The following DENND2C variants were observed in gnomAD, a reference collection of about 807,000 sequenced individuals.
The protein encoded by DENND2C is DENN domain-containing protein 2C.
DENND2C carries 72 observed loss-of-function variants against 112.4 expected under a neutral mutation model. The ratio of observed to expected loss-of-function variants is 0.64; its 90% CI spans 0.53 to 0.78. The LOEUF (loss-of-function observed/expected upper bound fraction) is 0.78, where lower values mean the gene tolerates loss of function less well. Ranked by LOEUF, DENND2C falls within the 30% of genes least tolerant of loss-of-function variation. DENND2C has a pLI of 0.00. For synonymous variants in DENND2C, 329 were observed against 381.6 expected (o/e 0.86, Z 1.61); for missense variants, 992 against 1,113.8 (o/e 0.89, Z 1.56).
In DENND2C at chr1:114,611,778, A is replaced by AACACACACACACACACAC. The variant is rs6143386; in HGVS notation, c.1325-679_1325-662dup. On this transcript the variant is annotated intron_variant, in intron 8 of 20. Transcript: ENST00000393274. ...TTTGTATAATTCTGAGAGCACAGGC[A>AACACACACACACACACAC]ACACACACACACACACACACACACA... 2.0e-5 allele frequency among the ~76,000 whole-genome samples: 3 copies of AACACACACACACACACAC among 148,278 alleles called. 1 individual carries two copies. Among genetic ancestry groups the AACACACACACACACACAC allele is most frequent in the South Asian group, 4.3e-4 (2 of 4,674 alleles).
rs757769172 is a variant in DENND2C, at chr1:114,622,984, T to C, written c.1056+3A>G. ...TTTTCTTCAATTCATTATCTGGTTA[T>C]ACCTTGGGTGCTTTAAAAGCACTTT... On this transcript the variant is annotated splice_donor_region_variant and intron_variant, in intron 6 of 20. Coordinates refer to ENST00000393274, the MANE Select transcript of DENND2C (RefSeq NM_001256404.2). The C allele has an allele frequency of 6.2e-7, 1 of 1,604,712 alleles. No homozygotes were observed.
intron 9 of DENND2C, 27 bp from the exon 10 acceptor site, chr1:114,608,900 T>G (rs1655734501): frequency 6.2e-7 from 1 of 1,612,952 alleles, no homozygotes; most frequent in South Asian, 1.1e-5. Flanking sequence ...GAGAAATGTT[T>G]TTTTCTCTGT....
rs375060672 is a variant in DENND2C, at chr1:114,665,252, G to C, written c.-574+4731C>G. Among the ~76,000 whole-genome samples, 602 of 139,130 alleles carry C rather than the reference G, an allele frequency of 4.3e-3. 3 individuals are homozygous for C. The highest frequency in any genetic ancestry group is 0.016 in the African/African-American group (577 of 36,418). 91.3% of individuals were successfully genotyped at this position (139,130 alleles called of 152,430 possible). On this transcript the variant is annotated intron_variant, in intron 1 of 20. Transcript: ENST00000393274. ...TCACTGTATTCCAGCCAGGGTAGCAGAGCAAGACCCTGTCTCTTGAAAAAA... is the reference window on the plus strand; with the variant it reads ...TCACTGTATTCCAGCCAGGGTAGCACAGCAAGACCCTGTCTCTTGAAAAAA...
At chr1:114,643,186 C>T (rs1656893043) in intron 3 of DENND2C, among the ~76,000 whole-genome samples, 1 of 152,066 alleles carries the variant, frequency 6.6e-6, no homozygotes, top group Non-Finnish European at 1.5e-5. Context: ...TAAAGTAAAC[C>T]TCAATCTCAG....
intron 11 of DENND2C, among the ~76,000 whole-genome samples, chr1:114,603,226 C>T (rs1191328144): frequency 6.6e-6 from 1 of 151,710 alleles, no homozygotes; most frequent in Non-Finnish European, 1.5e-5. Context: ...CTGCAACCTC[C>T]GCCTCCTGGG....
At chr1:114,614,401 C>T (rs1655900815) in intron 8 of DENND2C, among the ~76,000 whole-genome samples, 1 of 152,030 alleles carries the variant, frequency 6.6e-6, no homozygotes, top group African/African-American at 2.4e-5. Context: ...ATGACAAAGC[C>T]AGGAGATCGT....
intron 3 of DENND2C, among the ~76,000 whole-genome samples, chr1:114,634,838 G>A (rs765624143): frequency 2.0e-5 from 3 of 151,816 alleles, no homozygotes; most frequent in Non-Finnish European, 4.4e-5. Flanking sequence ...CACCAGCCTG[G>A]CAAACATGGC....
At chr1:114,641,640 AG>A (rs770175463) in intron 3 of DENND2C, among the ~76,000 whole-genome samples, 3 of 152,124 alleles carry the variant, frequency 2.0e-5, no homozygotes, top group Non-Finnish European at 4.4e-5. Flanking sequence ...AACCTTCCTG[AG>A]GCCTCACCAG....
chr1:114,637,795 G>A (rs1570796454), intron 3 of DENND2C, among the ~76,000 whole-genome samples: 1 of 152,242 alleles, frequency 6.6e-6, no homozygotes, highest in East Asian at 1.9e-4. Context: ...GATTACAGGC[G>A]TGAACCACTG....
chr1:114,661,756 T>C (rs952916465), intron 1 of DENND2C, among the ~76,000 whole-genome samples: 3 of 152,252 alleles, frequency 2.0e-5, no homozygotes, highest in South Asian at 2.1e-4. Context: ...CATACCTCTG[T>C]ATTTTTTACT....
intron 3 of DENND2C, among the ~76,000 whole-genome samples, chr1:114,633,170 G>A (rs373516808): frequency 2.6e-5 from 4 of 151,986 alleles, no homozygotes; most frequent in Non-Finnish European, 5.9e-5. Context: ...ACTTTATGCC[G>A]GCGCGGTGGC....
intron 16 of DENND2C, among the ~76,000 whole-genome samples, chr1:114,598,214 ACAACT>A (rs778497155): frequency 7.3e-4 from 111 of 152,324 alleles, no homozygotes; most frequent in Middle Eastern, 6.8e-3. Flanking sequence ...CAAACTGGAA[ACAACT>A]CAAATGTTCA....
intron 7 of DENND2C, among the ~76,000 whole-genome samples, chr1:114,619,167 G>T (rs1209612622): frequency 1.3e-5 from 2 of 152,050 alleles, no homozygotes; most frequent in African/African-American, 4.8e-5. Context: ...CTTTGCTACT[G>T]GGAGAGATGT....
chr1:114,623,385 A>G (rs1362241867), intron 5 of DENND2C, 122 bp downstream of exon 5: 1 of 967,982 alleles, frequency 1.0e-6, no homozygotes, highest in Non-Finnish European at 1.5e-6. Context: ...AAACGTTTCC[A>G]TGCTAAAGAG....
At chr1:114,605,070 ATGTAAG>A in intron 10 of DENND2C, 39 bp from the exon 11 acceptor site, 1 of 1,436,304 alleles carries the variant, frequency 7.0e-7, no homozygotes, top group Non-Finnish European at 9.6e-7. Flanking sequence ...AAATTATACT[ATGTAAG>A]TGGGGAATAG....
Position 114,625,888 on chromosome 1 carries a change from T to C in DENND2C, c.97A>G (p.Asn33Asp). 6.2e-7 allele frequency: 1 copy of C among 1,614,158 alleles called. No individual in the cohort carries two copies. The change falls in exon 4 of 21, where the codon AAT becomes GAT. Residue 33 changes from asparagine to aspartate, a missense_variant. By Grantham distance (23) the Asn-to-Asp change is conservative. Around this residue, in one of 3 missense-constraint regions of DENND2C, gnomAD observed 470 missense variants for 472.7 expected, o/e 0.99. Transcript: ENST00000393274. The stretch of plus-strand genomic sequence containing the variant: ...CACTTTTCTGGATTAGATATACCAT[T>C]AGCCCTTCCTTCCCATTGAGAAATT... ...QKISQWEGRA[N>D]GISNPEKWCP...
chr1:114,663,614 C>G (rs1339656184), intron 1 of DENND2C, among the ~76,000 whole-genome samples: 1 of 152,192 alleles, frequency 6.6e-6, no homozygotes, highest in Non-Finnish European at 1.5e-5. Context: ...TATGGCCTAC[C>G]TGTGGGCCAA....
Position 114,601,061 on chromosome 1 carries a change from C to A in DENND2C, c.1816-101G>T, listed in dbSNP as rs895337219. On this transcript the variant is annotated intron_variant, in intron 13 of 20. Coordinates refer to ENST00000393274, the MANE Select transcript of DENND2C (RefSeq NM_001256404.2). ...ACCTGGTGTACAAACTTTAAAATAA[C>A]CCAAATAAAATTTAAGACAGATAAG... The A allele has an allele frequency of 9.3e-6, 12 of 1,285,748 alleles. No homozygotes were observed. The African/African-American group carries it at 1.2e-4, about 13-fold the overall frequency. 79.6% of individuals were successfully genotyped at this position (1,285,748 alleles called of 1,614,324 possible).
chr1:114,585,654 T>G, intron 20 of DENND2C, 23 bp from the exon 21 acceptor site: 2 of 1,610,460 alleles, frequency 1.2e-6, no homozygotes, highest in Non-Finnish European at 1.7e-6. Flanking sequence ...AAAAGTACAG[T>G]GAATGCTCAA....
Sources: allele counts gnomAD v4.1 joint callset (sites outside exome capture counted in the v4.1 genomes callset), GRCh38; gene constraint gnomAD v4.1.1; regional missense constraint gnomAD v4.1.1; transcripts MANE v1.5; gene names NCBI Gene and HGNC (gene_info 2026-07-23, HGNC 2026-07-21).